ADGRB3: variants seen among roughly 807,000 people sequenced by gnomAD.
ADGRB3 encodes brain-specific angiogenesis inhibitor 3.
A neutral mutation model predicts 193.4 loss-of-function variants in ADGRB3; 37 were observed. The ratio of observed to expected loss-of-function variants is 0.19; its 90% confidence interval spans 0.15 to 0.25. The LOEUF (loss-of-function observed/expected upper bound fraction) is 0.25. ADGRB3 is among the 10% of genes least tolerant of loss of function. The pLI, the probability that ADGRB3 is intolerant of heterozygous loss-of-function variation, is 1.00. For missense variants in ADGRB3, 1,637 were observed against 1,852.9 expected (o/e 0.88, Z 2.14); for synonymous variants, 690 against 644.2 (o/e 1.07, Z -1.08).
chr6:68,636,820 G>T (rs188069630), intron 1 of ADGRB3, among the ~76,000 whole-genome samples: 60 of 152,068 alleles, frequency 3.9e-4, no homozygotes, highest in South Asian at 1.2e-3. Context: ...CTCTTTTTGA[G>T]TTCCTGATTA....
At chr6:69,336,821 T>C (rs748447905) in intron 24 of ADGRB3, among the ~76,000 whole-genome samples, 4 of 152,112 alleles carry the variant, frequency 2.6e-5, no homozygotes, top group Non-Finnish European at 5.9e-5. Flanking sequence ...ACTATGAGTT[T>C]TTCATATTAT....
intron 3 of ADGRB3, among the ~76,000 whole-genome samples, chr6:68,772,886 AAAAAAAAAATATATATAT>A (rs1489519921): frequency 9.6e-5 from 4 of 41,522 alleles, no homozygotes; most frequent in Non-Finnish European, 1.4e-4. Flanking sequence ...AACAAACAAA[AAAAAAAAAATATATATAT>A]ATATATATAT....
chr6:69,165,020 G>A (rs1196657983), intron 17 of ADGRB3, among the ~76,000 whole-genome samples: 1 of 151,748 alleles, frequency 6.6e-6, no homozygotes, highest in African/African-American at 2.4e-5. Context: ...CTGCCTGGAG[G>A]CTTCACACAG....
chr6:69,193,184 A>G (rs779482), intron 17 of ADGRB3, among the ~76,000 whole-genome samples: 1 of 151,772 alleles, frequency 6.6e-6, no homozygotes, highest in Non-Finnish European at 1.5e-5. Context: ...CTCTTACAGT[A>G]AATTTCCCTC....
intron 17 of ADGRB3, among the ~76,000 whole-genome samples, chr6:69,106,426 G>A (rs971574414): frequency 3.3e-5 from 5 of 151,968 alleles, no homozygotes; most frequent in Non-Finnish European, 7.4e-5. Context: ...TTTTCATTAG[G>A]CCTTATTTTT....
At chr6:69,361,776 C>T (rs1769459475) in intron 29 of ADGRB3, among the ~76,000 whole-genome samples, 1 of 148,712 alleles carries the variant, frequency 6.7e-6, no homozygotes, top group Non-Finnish European at 1.5e-5. Context: ...AGATACTAAT[C>T]AGTCATAATT....
chr6:68,772,890 AAAAAATATATATATATATATATATAT>A (rs1469769183), intron 3 of ADGRB3, among the ~76,000 whole-genome samples: 2 of 46,118 alleles, frequency 4.3e-5, no homozygotes, highest in Non-Finnish European at 7.3e-5. Context: ...AACAAAAAAA[AAAAAATATATATATATATATATATAT>A]ATATATATAT....
chr6:68,956,929 G>T, intron 8 of ADGRB3, 120 bp downstream of exon 8: 4 of 1,136,368 alleles, frequency 3.5e-6, no homozygotes, highest in Non-Finnish European at 4.9e-6. Flanking sequence ...CTAATGATAG[G>T]TGGCAATTTA....
chr6:68,900,216 A>G, intron 3 of ADGRB3, among the ~76,000 whole-genome samples: 1 of 152,320 alleles, frequency 6.6e-6, no homozygotes, highest in East Asian at 1.9e-4. Context: ...GAAAAACATG[A>G]TAGCAATCTG....
intron 13 of ADGRB3, among the ~76,000 whole-genome samples, chr6:69,024,512 C>T (rs1015791825): frequency 3.3e-5 from 5 of 152,154 alleles, no homozygotes; most frequent in Non-Finnish European, 7.3e-5. Context: ...CCACTTACAG[C>T]TATTTCACAA....
intron 17 of ADGRB3, among the ~76,000 whole-genome samples, chr6:69,199,474 TG>T (rs746652800): frequency 1.3e-5 from 2 of 152,082 alleles, no homozygotes; most frequent in Admixed American, 6.6e-5. Context: ...TCCTGGTGTA[TG>T]ATCATTGTTC....
At chr6:68,792,613 A>G (rs973435855) in intron 3 of ADGRB3, among the ~76,000 whole-genome samples, 2 of 152,116 alleles carry the variant, frequency 1.3e-5, no homozygotes, top group African/African-American at 4.8e-5. Context: ...CCTTCAATCT[A>G]CAATCTATTT....
intron 20 of ADGRB3, among the ~76,000 whole-genome samples, chr6:69,310,134 T>G (rs1394448108): frequency 6.6e-6 from 1 of 151,812 alleles, no homozygotes; most frequent in Non-Finnish European, 1.5e-5. Flanking sequence ...CTTAAAATAT[T>G]TGGTAAGATC....
chr6:68,867,372 C>A (rs1050346647), intron 3 of ADGRB3, among the ~76,000 whole-genome samples: 7 of 152,114 alleles, frequency 4.6e-5, no homozygotes, highest in African/African-American at 1.7e-4. Context: ...GCACAGAAGG[C>A]AAGAGTTTAG....
chr6:69,019,685 A>T (rs1267856964), intron 13 of ADGRB3, among the ~76,000 whole-genome samples: 3 of 152,004 alleles, frequency 2.0e-5, no homozygotes, highest in Non-Finnish European at 4.4e-5. Context: ...CACAGGCCTT[A>T]ATCAGAGAGT....
chr6:69,303,025 C>A (rs908162942), intron 20 of ADGRB3, among the ~76,000 whole-genome samples: 1 of 151,894 alleles, frequency 6.6e-6, no homozygotes, highest in African/African-American at 2.4e-5. Flanking sequence ...GCTTCCAAAC[C>A]AGTGCCAGAC....
At chr6:69,003,114 T>C (rs1298572046) in intron 11 of ADGRB3, among the ~76,000 whole-genome samples, 2 of 152,174 alleles carry the variant, frequency 1.3e-5, no homozygotes, top group Non-Finnish European at 2.9e-5. Context: ...GGTTAAACTT[T>C]CTATGTCAAG....
At chr6:69,021,126 C>T (rs1301523245) in intron 13 of ADGRB3, among the ~76,000 whole-genome samples, 1 of 151,832 alleles carries the variant, frequency 6.6e-6, no homozygotes, top group Non-Finnish European at 1.5e-5. Flanking sequence ...TGCACAAACA[C>T]AGGCATGCAC....
intron 26 of ADGRB3, among the ~76,000 whole-genome samples, chr6:69,345,640 C>T (rs1769068295): frequency 6.6e-6 from 1 of 152,046 alleles, no homozygotes; most frequent in African/African-American, 2.4e-5. Context: ...AAACCCACAG[C>T]CAATATCATA....
Sources: gnomAD v4.1 joint callset for allele counts (sites outside exome capture counted in the v4.1 genomes callset) on GRCh38, gnomAD v4.1.1 for gene constraint, MANE v1.5 for transcripts, NCBI Gene and HGNC (gene_info 2026-07-23, HGNC 2026-07-21) for gene names.